Variants in RAB20 observed in about 807,000 individuals in gnomAD.
RAB20 encodes RAB20, member RAS oncogene family.
Under a neutral mutation model 3.7 loss-of-function variants are expected in RAB20, and 2 were observed. The ratio of observed to expected loss-of-function variants is 0.54; its 90% CI spans 0.22 to 1.69. The LOEUF (loss-of-function observed/expected upper bound fraction) is 1.69, where lower values mean the gene tolerates loss of function less well. Among genes scored for constraint, RAB20 ranks in the 40% most tolerant of loss-of-function variants. RAB20 has a pLI of 0.19. For missense variants in RAB20, 276 were observed against 311.9 expected, an observed-to-expected ratio of 0.88 and a Z score of 0.87; for synonymous variants, 126 against 130.8, an observed-to-expected ratio of 0.96 and a Z score of 0.25.
intron 1 of RAB20, among the ~76,000 whole-genome samples, chr13:110,557,984 T>C (rs1194731371): frequency 6.6e-6 from 1 of 152,266 alleles, no homozygotes; most frequent in East Asian, 1.9e-4. Context: ...ACTTCTTGCC[T>C]GCCTTTCCCC....
chr13:110,527,421 G>A (rs144313909), intron 1 of RAB20, among the ~76,000 whole-genome samples: 21 of 152,320 alleles, frequency 1.4e-4, no homozygotes, highest in East Asian at 9.7e-4. Context: ...GAGGGAAAGC[G>A]AGCTGGGAGC....
chr13:110,541,539 C>T (rs902657681), intron 1 of RAB20, among the ~76,000 whole-genome samples: 2 of 152,172 alleles, frequency 1.3e-5, no homozygotes, highest in African/African-American at 4.8e-5. Flanking sequence ...TTTCCAGTGA[C>T]AATGTCAATT....
intron 1 of RAB20, among the ~76,000 whole-genome samples, chr13:110,551,317 T>C (rs369151202): frequency 2.0e-5 from 3 of 152,192 alleles, no homozygotes; most frequent in African/African-American, 7.2e-5. Flanking sequence ...AATGCTTCAC[T>C]GAAAGATGGG....
chr13:110,549,768 T>G (rs2139587538), intron 1 of RAB20, among the ~76,000 whole-genome samples: 1 of 152,104 alleles, frequency 6.6e-6, no homozygotes, highest in South Asian at 2.1e-4. Flanking sequence ...TTGCCCGGGC[T>G]GGAGTGCAGT....
At chr13:110,541,951 T>G (rs1426876055) in intron 1 of RAB20, among the ~76,000 whole-genome samples, 1 of 152,192 alleles carries the variant, frequency 6.6e-6, no homozygotes, top group Non-Finnish European at 1.5e-5. Context: ...AGACCCCAGA[T>G]GCTCACACAC....
intron 1 of RAB20, among the ~76,000 whole-genome samples, chr13:110,552,030 T>C (rs1176919128): frequency 6.6e-6 from 1 of 151,748 alleles, no homozygotes; most frequent in Non-Finnish European, 1.5e-5. Flanking sequence ...TGAGCCAAGA[T>C]CACAGCATTG....
intron 1 of RAB20, among the ~76,000 whole-genome samples, chr13:110,551,425 G>C (rs1324559873): frequency 6.6e-6 from 1 of 152,188 alleles, no homozygotes; most frequent in African/African-American, 2.4e-5. Flanking sequence ...CGTACATCAG[G>C]GCTCAAGTGC....
At chr13:110,527,845 G>A (rs1884456353) in intron 1 of RAB20, among the ~76,000 whole-genome samples, 1 of 151,888 alleles carries the variant, frequency 6.6e-6, no homozygotes, top group South Asian at 2.1e-4. Flanking sequence ...GATTGCTTGA[G>A]GCCAGGAGTT....
At chr13:110,542,990 A>G (rs1213241827) in intron 1 of RAB20, among the ~76,000 whole-genome samples, 1 of 152,192 alleles carries the variant, frequency 6.6e-6, no homozygotes, top group Non-Finnish European at 1.5e-5. Flanking sequence ...CCATTCTAAC[A>G]GGTGCGACCT....
chr13:110,548,063 T>C (rs977829840), intron 1 of RAB20, among the ~76,000 whole-genome samples: 1 of 152,184 alleles, frequency 6.6e-6, no homozygotes, highest in Admixed American at 6.5e-5. Context: ...ATTGAGAATT[T>C]CCAAAATACA....
At chr13:110,532,671 C>T (rs551239158) in intron 1 of RAB20, among the ~76,000 whole-genome samples, 2 of 131,734 alleles carry the variant, frequency 1.5e-5, no homozygotes, top group African/African-American at 6.2e-5. Flanking sequence ...GGCACCACGC[C>T]CAGCCTATTT....
At chr13:110,559,777 G>A (rs1037787371) in intron 1 of RAB20, among the ~76,000 whole-genome samples, 2 of 152,214 alleles carry the variant, frequency 1.3e-5, no homozygotes, top group African/African-American at 4.8e-5. Flanking sequence ...CGTCCTTGGT[G>A]CTGAAGAAGC....
intron 1 of RAB20, among the ~76,000 whole-genome samples, chr13:110,525,501 C>A (rs1456861050): frequency 1.3e-5 from 2 of 152,232 alleles, no homozygotes; most frequent in African/African-American, 4.8e-5. Context: ...CACCTCCCCA[C>A]CAGCAGGCGG....
chr13:110,557,797 TC>T (rs35623409), intron 1 of RAB20, among the ~76,000 whole-genome samples: 1 of 151,750 alleles, frequency 6.6e-6, no homozygotes, highest in Non-Finnish European at 1.5e-5. Flanking sequence ...ATGCCCCTGC[TC>T]CCCCCGCCTC....
chr13:110,555,123 C>T lies in RAB20; in HGVS notation c.172+6225G>A, dbSNP rs988473452. Reference sequence around the variant, plus strand: ...AGGATGTAGCCCGGGAGTATGGAGCCTGCACAGAGCCTGGCACGTGGCAGG... The same window carrying T: ...AGGATGTAGCCCGGGAGTATGGAGCTTGCACAGAGCCTGGCACGTGGCAGG... On this transcript the variant is annotated intron_variant, in intron 1 of 1. Coordinates refer to ENST00000267328, the MANE Select transcript of RAB20 (RefSeq NM_017817.3). This position sits in a 1 kb window ranked among gnomAD's most constrained non-coding sequence, Gnocchi z 4.0. Among the ~76,000 whole-genome samples the T allele has an allele frequency of 3.3e-5, 5 of 152,188 alleles. No individual in the cohort carries two copies. Among genetic ancestry groups the T allele is most frequent in the African/African-American group, 1.2e-4 (5 of 41,454 alleles).
intron 1 of RAB20, among the ~76,000 whole-genome samples, chr13:110,546,222 C>T (rs1309341892): frequency 6.6e-6 from 1 of 152,200 alleles, no homozygotes; most frequent in East Asian, 1.9e-4. Flanking sequence ...GCTCCCTGCA[C>T]ATCTGTCATC....
chr13:110,538,614 AAAAAG>A (rs1202314381), intron 1 of RAB20, among the ~76,000 whole-genome samples: 34 of 133,564 alleles, frequency 2.5e-4, no homozygotes, highest in East Asian at 6.2e-4. Flanking sequence ...AAAAAAAAAA[AAAAAG>A]AAAGAAAAGA....
At chr13:110,544,497 T>C (rs907341937) in intron 1 of RAB20, among the ~76,000 whole-genome samples, 1 of 152,214 alleles carries the variant, frequency 6.6e-6, no homozygotes, top group Non-Finnish European at 1.5e-5. Flanking sequence ...TTAAAGCAAT[T>C]CTACCTTGAC....
In RAB20 at chr13:110,523,196, CA is replaced by C; in HGVS notation, c.*468del. On this transcript the variant is annotated 3_prime_UTR_variant, in exon 2 of 2. Transcript: ENST00000267328. The stretch of plus-strand genomic sequence containing the variant: ...GTCAGGATTATAAAGCATCAAGATA[CA>C]AGTACCAAGTGGGAGGACCAAAGAC... 2.5e-6 allele frequency: 1 copy of C among 404,860 alleles called. No individual in the cohort carries two copies. The highest frequency in any genetic ancestry group is 4.3e-6 in the Non-Finnish European group (1 of 230,230). The allele number at this position is 404,860 out of a possible 1,614,324, so 25.1% of individuals were successfully genotyped here. A position where few individuals can be genotyped will look rare whatever the true frequency, so the allele number is the denominator to read the frequency against.
Sources: allele counts gnomAD v4.1 joint callset (sites outside exome capture counted in the v4.1 genomes callset), GRCh38; gene constraint gnomAD v4.1.1; non-coding constraint Gnocchi (gnomAD v3.1); transcripts MANE v1.5; gene names NCBI Gene and HGNC (gene_info 2026-07-23, HGNC 2026-07-21).